SIAH3: variants seen among roughly 807,000 people sequenced by gnomAD.
SIAH3 encodes the protein siah E3 ubiquitin protein ligase family member 3.
SIAH3 carries 9 observed loss-of-function variants against 12.6 expected under a neutral mutation model. The ratio of observed to expected loss-of-function variants is 0.72; its 90% CI spans 0.43 to 1.25. SIAH3 has a LOEUF of 1.25. SIAH3 is among the 50% of genes most tolerant of loss of function. SIAH3 has a pLI of 0.00. For missense variants in SIAH3, 390 were observed against 365.4 expected, an observed-to-expected ratio of 1.07 and a Z score of -0.55; for synonymous variants, 154 against 151.1, an observed-to-expected ratio of 1.02 and a Z score of -0.14.
intron 1 of SIAH3, among the ~76,000 whole-genome samples, chr13:45,839,565 G>A (rs899292940): frequency 6.6e-6 from 1 of 152,222 alleles, no homozygotes; most frequent in Non-Finnish European, 1.5e-5. Flanking sequence ...AGGTGCGGTG[G>A]CTCACGCCTG....
At chr13:45,814,052 C>A (rs1354684832) in intron 1 of SIAH3, among the ~76,000 whole-genome samples, 1 of 151,964 alleles carries the variant, frequency 6.6e-6, no homozygotes, top group African/African-American at 2.4e-5. Context: ...TCCTGGCTAA[C>A]ACGGTGAAAC....
Position 45,779,593 on chromosome 13 carries a change from G to A in SIAH3, c.*3790C>T, listed in dbSNP as rs1042780172. 25 of 152,162 alleles carry A rather than the reference G, an allele frequency of 1.6e-4. No homozygotes were observed. Among genetic ancestry groups the A allele is most frequent in the African/African-American group, 6.0e-4 (25 of 41,426 alleles). 9.4% of individuals were successfully genotyped at this position (152,162 alleles called of 1,614,324 possible). The stretch of plus-strand genomic sequence containing the variant: ...CCCAGCTCTGCCATTTGCTAGCTGG[G>A]TGATCTTAAGCAAGTTGGCTAAATT... On this transcript the variant is annotated 3_prime_UTR_variant, in exon 2 of 2. Coordinates refer to ENST00000400405, the MANE Select transcript of SIAH3 (RefSeq NM_198849.3).
intron 1 of SIAH3, among the ~76,000 whole-genome samples, chr13:45,811,656 A>G (rs1950616964): frequency 6.6e-6 from 1 of 152,150 alleles, no homozygotes. Flanking sequence ...AGCACTTCTA[A>G]TGAAACTCAC....
intron 1 of SIAH3, among the ~76,000 whole-genome samples, chr13:45,815,966 C>G (rs1950633049): frequency 6.6e-6 from 1 of 152,202 alleles, no homozygotes; most frequent in East Asian, 1.9e-4. Flanking sequence ...GAAGCACATG[C>G]CGTGCCTATC....
intron 1 of SIAH3, among the ~76,000 whole-genome samples, chr13:45,836,748 C>T (rs1016120080): frequency 6.6e-6 from 1 of 152,172 alleles, no homozygotes; most frequent in Non-Finnish European, 1.5e-5. Flanking sequence ...CAAACCTTCA[C>T]ATCCTGCACG....
intron 1 of SIAH3, among the ~76,000 whole-genome samples, chr13:45,824,722 G>A (rs762932936): frequency 2.6e-5 from 4 of 152,082 alleles, no homozygotes; most frequent in East Asian, 1.9e-4. Flanking sequence ...TTAAAGCAGC[G>A]CATCGGAGTT....
intron 1 of SIAH3, among the ~76,000 whole-genome samples, chr13:45,830,101 G>A (rs1435003945): frequency 6.6e-6 from 1 of 152,190 alleles, no homozygotes; most frequent in Admixed American, 6.5e-5. Flanking sequence ...ACATGAGAAA[G>A]CCAGGTTTGA....
chr13:45,783,267 A>C lies in SIAH3; in HGVS notation c.*116T>G. The C allele has an allele frequency of 1.5e-6, 1 of 675,606 alleles. No homozygotes were observed. The highest frequency in any genetic ancestry group is 2.1e-6 in the Non-Finnish European group (1 of 468,948). 41.9% of individuals were successfully genotyped at this position (675,606 alleles called of 1,614,324 possible). A position where few individuals can be genotyped will look rare whatever the true frequency, so the allele number is the denominator to read the frequency against. The stretch of plus-strand genomic sequence containing the variant: ...AGACAAAAAAATAATAATAATTAAA[A>C]ATTAAAAAAAAAAAAAAGAAAGGAG... On this transcript the variant is annotated 3_prime_UTR_variant, in exon 2 of 2. Coordinates refer to ENST00000400405, the MANE Select transcript of SIAH3 (RefSeq NM_198849.3).
chr13:45,811,606 G>C (rs1214219869), intron 1 of SIAH3, among the ~76,000 whole-genome samples: 2 of 152,020 alleles, frequency 1.3e-5, no homozygotes, highest in Non-Finnish European at 2.9e-5. Context: ...GGGACTACAG[G>C]GGCATGCCAC....
rs1306323581 is a variant in SIAH3, at chr13:45,851,656, G to A, written c.-27C>T. 3 of 1,613,716 alleles carry A rather than the reference G, an allele frequency of 1.9e-6. No homozygotes were observed. Among genetic ancestry groups the A allele is most frequent in the East Asian group, 2.2e-5 (1 of 44,890 alleles). ...ACAACTTTTGGGGGGTTGTTGGTCCGGGAAGGCAGCGGAGGAAGCTGTGAG... is the reference window on the plus strand; with the variant it reads ...ACAACTTTTGGGGGGTTGTTGGTCCAGGAAGGCAGCGGAGGAAGCTGTGAG... On this transcript the variant is annotated 5_prime_UTR_variant, in exon 1 of 2. Transcript: ENST00000400405.
intron 1 of SIAH3, among the ~76,000 whole-genome samples, chr13:45,799,778 A>G (rs1405295060): frequency 6.6e-6 from 1 of 152,184 alleles, no homozygotes; most frequent in Non-Finnish European, 1.5e-5. Flanking sequence ...ATTTCATTCC[A>G]AGCTGACTTT....
At chr13:45,815,513 ATCTC>A (rs1005552373) in intron 1 of SIAH3, among the ~76,000 whole-genome samples, 1 of 152,154 alleles carries the variant, frequency 6.6e-6, no homozygotes, top group Non-Finnish European at 1.5e-5. Flanking sequence ...CTTAAAATAA[ATCTC>A]TCTCTTTATA....
Position 45,783,269 on chromosome 13 carries a change from TTA to T in SIAH3, c.*112_*113del, listed in dbSNP as rs1491135250. The stretch of plus-strand genomic sequence containing the variant: ...ACAAAAAAATAATAATAATTAAAAA[TTA>T]AAAAAAAAAAAAAGAAAGGAGAAGA... On this transcript the variant is annotated 3_prime_UTR_variant, in exon 2 of 2. Transcript: ENST00000400405. 3.1e-6 allele frequency: 2 copies of T among 646,836 alleles called. No individual in the cohort carries two copies. The highest frequency in any genetic ancestry group is 3.5e-5 in the Admixed American group (1 of 28,980). 40.1% of individuals were successfully genotyped at this position (646,836 alleles called of 1,614,324 possible).
rs536083943 is a variant in SIAH3 at position 45,801,191 on chromosome 13, T to C, written c.136-17134A>G. On this transcript the variant is annotated intron_variant, in intron 1 of 1. Transcript: ENST00000400405. ...GCCATATGCTTTTGCAATATATGTG[T>C]GCATGGAGTGATACAGGGTACATTC... 8.5e-5 allele frequency among the ~76,000 whole-genome samples: 13 copies of C among 152,258 alleles called. No individual in the cohort carries two copies. The East Asian group carries it at 1.9e-3, about 23-fold the overall frequency.
In SIAH3 at chr13:45,780,938, C is replaced by T. The variant is rs561695727; in HGVS notation, c.*2445G>A. On this transcript the variant is annotated 3_prime_UTR_variant, in exon 2 of 2. Coordinates refer to ENST00000400405, the MANE Select transcript of SIAH3 (RefSeq NM_198849.3). Reference sequence around the variant, plus strand: ...AACTGCTGGTACCATTTCCTATTCCCAATTCTTGGTTGTTAGTTTGCTCCT... The same window carrying T: ...AACTGCTGGTACCATTTCCTATTCCTAATTCTTGGTTGTTAGTTTGCTCCT... 48 of 152,332 alleles carry T rather than the reference C, an allele frequency of 3.2e-4. No individual in the cohort carries two copies. The highest frequency in any genetic ancestry group is 9.9e-4 in the African/African-American group (41 of 41,574). 9.4% of individuals were successfully genotyped at this position (152,332 alleles called of 1,614,324 possible).
intron 1 of SIAH3, among the ~76,000 whole-genome samples, chr13:45,822,180 T>G (rs1448501006): frequency 1.3e-5 from 2 of 152,134 alleles, no homozygotes; most frequent in African/African-American, 4.8e-5. Context: ...CTGAAGACAC[T>G]GGGGTCTCAA....
At chr13:45,803,236 C>T (rs961593335) in intron 1 of SIAH3, among the ~76,000 whole-genome samples, 1 of 152,130 alleles carries the variant, frequency 6.6e-6, no homozygotes, top group Admixed American at 6.5e-5. Context: ...TATTCAAATG[C>T]CTAAAGCTGG....
At chr13:45,795,679 C>A (rs1448038259) in intron 1 of SIAH3, among the ~76,000 whole-genome samples, 1 of 152,156 alleles carries the variant, frequency 6.6e-6, no homozygotes, top group African/African-American at 2.4e-5. Flanking sequence ...GGCAGGTCAC[C>A]TTTTGAGCTT....
chr13:45,818,939 G>A (rs1156719915), intron 1 of SIAH3, among the ~76,000 whole-genome samples: 1 of 152,154 alleles, frequency 6.6e-6, no homozygotes, highest in Non-Finnish European at 1.5e-5. Context: ...CATGTGCTAG[G>A]GTGTTAGGGG....
Sources: gnomAD v4.1 joint callset for allele counts (sites outside exome capture counted in the v4.1 genomes callset) on GRCh38, gnomAD v4.1.1 for gene constraint, MANE v1.5 for transcripts, NCBI Gene and HGNC (gene_info 2026-07-23, HGNC 2026-07-21) for gene names.